The following TYK2 variants were observed in gnomAD, a reference collection of about 807,000 sequenced individuals.
TYK2 encodes non-receptor tyrosine-protein kinase TYK2.
Under a neutral mutation model 130.9 loss-of-function variants are expected in TYK2, and 65 were observed. That is an observed-to-expected ratio of 0.50 (90% confidence interval 0.41 to 0.61). TYK2 has a LOEUF of 0.61. TYK2 is among the 20% of genes least tolerant of loss of function. TYK2 has a pLI of 0.00. For synonymous variants in TYK2, 647 were observed against 658.9 expected (o/e 0.98, Z 0.28); for missense variants, 1,378 against 1,610.7 (o/e 0.86, Z 2.47).
Position 10,353,615 on chromosome 19 carries a change from G to T in TYK2, c.2940C>A (p.Tyr980Ter). Residue 980 changes from tyrosine (Y) to a stop codon, truncating the protein, a stop_gained, in exon 21 of 25, where the codon TAC (tyrosine) becomes TAA (stop). Coordinates refer to ENST00000525621, the MANE Select transcript of TYK2 (RefSeq NM_003331.5). LOFTEE classifies it high-confidence loss of function. This position sits in a 1 kb window ranked among gnomAD's most constrained non-coding sequence, Gnocchi z 6.9. ...AGTCTCGGAGGCTGCCCAGGGGCACGTACTCCATGACCAGCTGCAGCGACT... is the reference window on the plus strand; with the variant it reads ...AGTCTCGGAGGCTGCCCAGGGGCACTTACTCCATGACCAGCTGCAGCGACT... ...GEKSLQLVMEYVPLGSLRDYL... is the reference protein window; with the variant it reads ...GEKSLQLVME 1 of 1,479,100 alleles carries T rather than the reference G, an allele frequency of 6.8e-7. No homozygotes were observed. The highest frequency in any genetic ancestry group is 9.0e-7 in the Non-Finnish European group (1 of 1,113,588). The allele number at this position is 1,479,100 out of a possible 1,614,324, so 91.6% of individuals were successfully genotyped here. A position where few individuals can be genotyped will look rare whatever the true frequency, so the allele number is the denominator to read the frequency against.
rs368842030 is a variant in TYK2 at position 10,350,909 on chromosome 19, C to T, written c.3489G>A (p.Glu1163=). 61 of 1,614,050 alleles carry T rather than the reference C, an allele frequency of 3.8e-5. No individual in the cohort carries two copies. The highest frequency in any genetic ancestry group is 5.1e-5 in the Non-Finnish European group (60 of 1,180,048). Residue 1163 remains glutamate (E), a synonymous_variant, in exon 25 of 25, where the codon GAG becomes GAA. Coordinates refer to ENST00000525621, the MANE Select transcript of TYK2 (RefSeq NM_003331.5). ...ETEASFRPTF[E]NLIPILKTVH... ...CTGTCTTCAGAATGGGTATGAGGTTCTCGAAGGTTGGGCGAAAGGACGCCT... is the reference window on the plus strand; with the variant it reads ...CTGTCTTCAGAATGGGTATGAGGTTTTCGAAGGTTGGGCGAAAGGACGCCT...
rs754700578 is a variant in TYK2 at position 10,365,001 on chromosome 19, C to T, written c.1059G>A (p.Gly353=). ...CTGCCTTGTGAGCCTTGGCCTTCTT[C>T]CCAAACAGGCTGGCTTGGGGGTTCC... ...SGRNPQASLF[G]KKAKAHKAVG... is the part of the protein sequence containing the mutation. Residue 353 remains glycine (G), a synonymous_variant, in exon 8 of 25, where the codon GGG becomes GGA. Transcript: ENST00000525621. 1 of 1,612,718 alleles carries T rather than the reference C, an allele frequency of 6.2e-7. No homozygotes were observed. Among genetic ancestry groups the T allele is most frequent in the South Asian group, 1.1e-5 (1 of 91,018 alleles).
At chr19:10,367,936 T>TAA in intron 5 of TYK2, 119 bp downstream of exon 5, 3 of 1,085,534 alleles carry the variant, frequency 2.8e-6, no homozygotes, top group Non-Finnish European at 4.0e-6. Context: ...AAAAAAAAGA[T>TAA]CCCCAGATAG....
Position 10,368,077 on chromosome 19 carries a change from G to A in TYK2, c.443C>T (p.Ser148Leu). 1 of 1,614,162 alleles carries A rather than the reference G, an allele frequency of 6.2e-7. No homozygotes were observed. Among genetic ancestry groups the A allele is most frequent in the Non-Finnish European group, 8.5e-7 (1 of 1,180,024 alleles). ...AQGMQLLDPA[S>L]FEYLFEQGKH... ...TACCTGCTCAAAGAGGTACTCAAAT[G>A]AGGCTGGGTCCAGGAGTTGCATCCC... The change falls in exon 5 of 25, where the codon TCA becomes TTA. Residue 148 changes from serine (S) to leucine (L), a missense_variant. Ser to Leu is a moderately radical substitution (Grantham distance 145). Coordinates refer to ENST00000525621, the MANE Select transcript of TYK2 (RefSeq NM_003331.5).
In TYK2 at chr19:10,374,584, C is replaced by CAA. The variant is rs1278364077; in HGVS notation, c.193+3628_193+3629dup. Among the ~76,000 whole-genome samples the CAA allele has an allele frequency of 5.9e-3, 292 of 49,416 alleles. 1 individual carries two copies. The highest frequency in any genetic ancestry group is 0.011 in the African/African-American group (149 of 13,074). 32.4% of individuals were successfully genotyped at this position (49,416 alleles called of 152,430 possible). ...TGGGTGACAGAGCGAGACTCCGTCTCAAAAAAAAAAAAAAAAAAAAAAGCC... is the reference window on the plus strand; with the variant it reads ...TGGGTGACAGAGCGAGACTCCGTCTCAAAAAAAAAAAAAAAAAAAAAAAAGCC... On this transcript the variant is annotated intron_variant, in intron 3 of 24. Coordinates refer to ENST00000525621, the MANE Select transcript of TYK2 (RefSeq NM_003331.5).
At position 10,364,573 on chromosome 19, in the gene TYK2, C is replaced by T; in HGVS notation, c.1367+41G>A. The T allele has an allele frequency of 6.2e-7, 1 of 1,611,504 alleles. No homozygotes were observed. ...CCTAGGGCTCACAGTCTAGTTGGCA[C>T]CCTTGGCGGTGGCCCCCAGCGCCCC... is the stretch of plus-strand genomic sequence containing the variant. On this transcript the variant is annotated intron_variant, in intron 9 of 24. Transcript: ENST00000525621. This position sits in a 1 kb window ranked among gnomAD's most constrained non-coding sequence, Gnocchi z 4.9.
At chr19:10,372,460 A>C (rs1232468029) in intron 3 of TYK2, among the ~76,000 whole-genome samples, 1 of 48,424 alleles carries the variant, frequency 2.1e-5, no homozygotes. Flanking sequence ...ACACACAGCT[A>C]TATATATATA....
chr19:10,356,512 A>G, intron 18 of TYK2, 56 bp downstream of exon 18: 1 of 1,605,342 alleles, frequency 6.2e-7, no homozygotes, highest in Non-Finnish European at 8.5e-7. Context: ...GGCATACAGC[A>G]GGGATCCCAG....
At chr19:10,367,998 C>T in intron 5 of TYK2, 57 bp downstream of exon 5, 1 of 1,599,404 alleles carries the variant, frequency 6.3e-7, no homozygotes, top group Non-Finnish European at 8.6e-7. Context: ...AATGGGGGCT[C>T]CTCAACTGCC....
intron 23 of TYK2, chr19:10,351,495 A>T (rs1488371860): frequency 3.0e-6 from 1 of 334,486 alleles, no homozygotes; most frequent in African/African-American, 2.1e-5. Context: ...CTCAAAAAAG[A>T]AAAAGAAATC....
In TYK2 at chr19:10,353,531, G is replaced by A. The variant is rs865983705; in HGVS notation, c.3024C>T (p.Cys1008=). The A allele has an allele frequency of 4.7e-6, 7 of 1,501,716 alleles. No homozygotes were observed. The highest frequency in any genetic ancestry group is 6.2e-6 in the Non-Finnish European group (7 of 1,122,078). 93.0% of individuals were successfully genotyped at this position (1,501,716 alleles called of 1,614,324 possible). ...AGCAGGGGCGGGGCCGACCAACCTC[G>A]CAGATCTGCTGGGCGAAGAGCAGCA... ...AQLLLFAQQI[C]EGMAYLHAQH... is the part of the protein sequence containing the mutation. The change falls in exon 21 of 25, where the codon TGC becomes TGT. Residue 1008 remains cysteine, a synonymous_variant. Transcript: ENST00000525621. This position sits in a 1 kb window ranked among gnomAD's most constrained non-coding sequence, Gnocchi z 6.9.
Position 10,358,158 on chromosome 19 carries a change from G to T in TYK2, c.2176-20C>A, listed in dbSNP as rs1409297994. On this transcript the variant is annotated intron_variant, in intron 15 of 24. Coordinates refer to ENST00000525621, the MANE Select transcript of TYK2 (RefSeq NM_003331.5). ...GTTCTCCTGAGGTGGGCAGGAGAGG[G>T]GGTGTGGCCACTCAGGAGAGGCACA... The T allele has an allele frequency of 1.9e-6, 3 of 1,594,806 alleles. No homozygotes were observed. In the East Asian group the frequency reaches 6.8e-5, roughly 36 times the overall value.
rs1422361344 is a variant in TYK2, at chr19:10,364,276, C to T, written c.1367+338G>A. ...CTGTAATACCAGCACTTTGGGAGGC[C>T]GAGGCGGGTGGATCACCTGAGGTCA... On this transcript the variant is annotated intron_variant, in intron 9 of 24. Transcript: ENST00000525621. The surrounding 1 kb of genome is among the most constrained non-coding windows in gnomAD (Gnocchi z 4.9). Among the ~76,000 whole-genome samples the T allele has an allele frequency of 6.6e-6, 1 of 152,008 alleles. No individual in the cohort carries two copies. The highest frequency in any genetic ancestry group is 1.9e-4 in the East Asian group (1 of 5,184).
rs1247499935 is a variant in TYK2, at chr19:10,361,547, C to T, written c.2011G>A (p.Ala671Thr). The change falls in exon 14 of 25, where the codon GCC becomes ACC. Residue 671 changes from alanine (A) to threonine (T), a missense_variant. Transcript: ENST00000525621. This position sits in a 1 kb window ranked among gnomAD's most constrained non-coding sequence, Gnocchi z 4.0. ...CGCACACAGACGCCATGCACGAAGG[C>T]CAGGTGCGTGTGGGAGACCTGGCTC... ...LMSQVSHTHL[A>T]FVHGVCVRGP... 16 of 1,547,708 alleles carry T rather than the reference C, an allele frequency of 1.0e-5. No individual in the cohort carries two copies. The highest frequency in any genetic ancestry group is 3.9e-5 in the Admixed American group (2 of 50,946).
intron 3 of TYK2, among the ~76,000 whole-genome samples, chr19:10,373,037 G>C (rs1419752000): frequency 6.7e-6 from 1 of 149,476 alleles, no homozygotes; most frequent in African/African-American, 2.5e-5. Context: ...CTAATTTTTT[G>C]TATTTTTTTT....
At chr19:10,352,193 T>A (rs1034578912) in intron 23 of TYK2, among the ~76,000 whole-genome samples, 2 of 147,892 alleles carry the variant, frequency 1.4e-5, no homozygotes, top group Non-Finnish European at 3.0e-5. Context: ...TGCCTCAGTC[T>A]CCTGAGTAGC....
At chr19:10,368,790 C>A (rs2041787777) in intron 3 of TYK2, 1 of 262,378 alleles carries the variant, frequency 3.8e-6, no homozygotes. Flanking sequence ...AACCATCCAA[C>A]CTGTACTTGA....
intron 3 of TYK2, among the ~76,000 whole-genome samples, chr19:10,377,005 G>A (rs1329519400): frequency 6.6e-6 from 1 of 151,938 alleles, no homozygotes; most frequent in Non-Finnish European, 1.5e-5. Context: ...GGGCTCAAGC[G>A]ATCCTCTTGC....
rs1252818014 is a variant in TYK2, at chr19:10,364,468, C to T, written c.1367+146G>A. ...GGCGGAGGCTGCAGTGAGCTGAGAT[C>T]ATGCCACTGCACTCCAGTTTGGGCG... is the stretch of plus-strand genomic sequence containing the variant. On this transcript the variant is annotated intron_variant, in intron 9 of 24. Transcript: ENST00000525621. The surrounding 1 kb of genome is among the most constrained non-coding windows in gnomAD (Gnocchi z 4.9). The T allele has an allele frequency of 7.8e-6, 7 of 902,000 alleles. No individual in the cohort carries two copies. Among genetic ancestry groups the T allele is most frequent in the Non-Finnish European group, 1.2e-5 (7 of 591,782 alleles). The allele number at this position is 902,000 out of a possible 1,614,324, so 55.9% of individuals were successfully genotyped here.
Sources: allele counts gnomAD v4.1 joint callset (sites outside exome capture counted in the v4.1 genomes callset), GRCh38; gene constraint gnomAD v4.1.1; non-coding constraint Gnocchi (gnomAD v3.1); transcripts MANE v1.5; gene names NCBI Gene and HGNC (gene_info 2026-07-23, HGNC 2026-07-21).